The following KCNIP4 variants were observed in gnomAD, a reference collection of about 807,000 sequenced individuals.
KCNIP4 encodes Kv channel-interacting protein 4.
Under a neutral mutation model 34.0 loss-of-function variants are expected in KCNIP4, and 12 were observed. The observed-to-expected ratio is 0.35, with a 90% CI of 0.23 to 0.57. The LOEUF (loss-of-function observed/expected upper bound fraction) is 0.57, where lower values mean the gene tolerates loss of function less well. Among genes scored for constraint, KCNIP4 ranks in the 20% least tolerant of loss-of-function variants. The pLI is 0.83. For missense variants in KCNIP4, 238 were observed against 311.7 expected (o/e 0.76, Z 1.78); for synonymous variants, 124 against 102.2 (o/e 1.21, Z -1.29).
At chr4:21,414,587 T>A (rs28562307) in intron 1 of KCNIP4, among the ~76,000 whole-genome samples, 56,489 of 152,000 alleles carry the variant, frequency 0.37, 11,531 homozygotes, top group Non-Finnish European at 0.48. Context: ...TCTGGGTATT[T>A]ATCCAAAATA....
chr4:21,240,385 A>G (rs1457300639), intron 1 of KCNIP4, among the ~76,000 whole-genome samples: 2 of 152,040 alleles, frequency 1.3e-5, no homozygotes. Context: ...TAATAATAAA[A>G]TGAAAAAATT....
intron 3 of KCNIP4, among the ~76,000 whole-genome samples, chr4:20,839,607 C>G (rs1389852320): frequency 6.6e-6 from 1 of 151,508 alleles, no homozygotes; most frequent in Non-Finnish European, 1.5e-5. Context: ...GAAAGAACTT[C>G]TAGATTATAC....
intron 1 of KCNIP4, among the ~76,000 whole-genome samples, chr4:21,375,024 G>A (rs1260345744): frequency 2.7e-5 from 4 of 147,622 alleles, no homozygotes; most frequent in African/African-American, 5.4e-5. Flanking sequence ...TAGAGAATTC[G>A]GAGGTAATAG....
At chr4:21,191,377 TA>T (rs1252092921) in intron 1 of KCNIP4, among the ~76,000 whole-genome samples, 5 of 152,202 alleles carry the variant, frequency 3.3e-5, no homozygotes, top group Admixed American at 3.3e-4. Context: ...AAAGTATTCA[TA>T]AATGATCAAT....
chr4:21,688,367 A>G (rs1750973988), intron 1 of KCNIP4, among the ~76,000 whole-genome samples: 1 of 152,172 alleles, frequency 6.6e-6, no homozygotes, highest in African/African-American at 2.4e-5. Flanking sequence ...AATCCAGAAG[A>G]GTCCAAAAAC....
intron 1 of KCNIP4, among the ~76,000 whole-genome samples, chr4:21,861,468 A>G (rs1324180965): frequency 1.3e-5 from 2 of 152,120 alleles, no homozygotes; most frequent in African/African-American, 4.8e-5. Context: ...CCTGGCCAAC[A>G]TGGTGAAACC....
intron 3 of KCNIP4, among the ~76,000 whole-genome samples, chr4:20,785,821 CTTG>C (rs2149397947): frequency 6.6e-6 from 1 of 151,838 alleles, no homozygotes; most frequent in South Asian, 2.1e-4. Flanking sequence ...CTCCTAAGAC[CTTG>C]GTGGAAGGAT....
chr4:21,330,155 G>A (rs1200124790), intron 1 of KCNIP4, among the ~76,000 whole-genome samples: 2 of 152,106 alleles, frequency 1.3e-5, no homozygotes, highest in Non-Finnish European at 2.9e-5. Flanking sequence ...GTGTTCAAAA[G>A]CAAGTCTACT....
intron 1 of KCNIP4, among the ~76,000 whole-genome samples, chr4:20,980,849 G>A (rs1300476730): frequency 6.6e-6 from 1 of 151,726 alleles, no homozygotes; most frequent in African/African-American, 2.4e-5. Flanking sequence ...GACTATTGTG[G>A]GTCATATTTT....
At chr4:21,063,438 G>A (rs1280230124) in intron 1 of KCNIP4, among the ~76,000 whole-genome samples, 2 of 152,056 alleles carry the variant, frequency 1.3e-5, no homozygotes, top group Admixed American at 6.6e-5. Flanking sequence ...CTTTTTATCA[G>A]CAATTCACTG....
intron 1 of KCNIP4, among the ~76,000 whole-genome samples, chr4:20,950,865 A>G (rs1198109974): frequency 6.6e-6 from 1 of 152,078 alleles, no homozygotes; most frequent in African/African-American, 2.4e-5. Flanking sequence ...GTTTTTGCTT[A>G]CCTTTTTTTC....
intron 1 of KCNIP4, among the ~76,000 whole-genome samples, chr4:21,198,529 A>G (rs1756227403): frequency 1.3e-5 from 2 of 152,208 alleles, no homozygotes; most frequent in Non-Finnish European, 1.5e-5. Flanking sequence ...TTTATGAGAC[A>G]GGCACTGTAT....
chr4:21,676,985 GAAAA>G (rs35394005), intron 1 of KCNIP4, among the ~76,000 whole-genome samples: 9 of 141,552 alleles, frequency 6.4e-5, no homozygotes, highest in African/African-American at 1.8e-4. Flanking sequence ...ATATGTTCCA[GAAAA>G]AAAAAAAAAA....
intron 1 of KCNIP4, among the ~76,000 whole-genome samples, chr4:21,868,829 G>A (rs747542880): frequency 2.6e-5 from 4 of 152,036 alleles, no homozygotes; most frequent in Non-Finnish European, 4.4e-5. Flanking sequence ...AGAACATAAT[G>A]CCATAAAGAA....
intron 1 of KCNIP4, among the ~76,000 whole-genome samples, chr4:21,184,339 G>A (rs149208246): frequency 1.1e-4 from 17 of 152,158 alleles, no homozygotes; most frequent in African/African-American, 3.9e-4. Context: ...AAGAATCTTA[G>A]CCCTCTAGTT....
chr4:20,942,591 G>A (rs1425744201), intron 1 of KCNIP4, among the ~76,000 whole-genome samples: 1 of 152,200 alleles, frequency 6.6e-6, no homozygotes, highest in Non-Finnish European at 1.5e-5. Context: ...CTGACACTGA[G>A]GGAGGGTTAA....
chr4:20,950,700 G>T (rs73242595), intron 1 of KCNIP4, among the ~76,000 whole-genome samples: 6,619 of 152,006 alleles, frequency 0.044, 171 homozygotes, highest in Middle Eastern at 0.1. Context: ...AAGCCAATGA[G>T]ATTATAGCCT....
intron 3 of KCNIP4, among the ~76,000 whole-genome samples, chr4:20,782,944 C>A (rs1756996717): frequency 6.6e-6 from 1 of 152,288 alleles, no homozygotes; most frequent in African/African-American, 2.4e-5. Context: ...ACCCAAGTCA[C>A]CTCTTGAATG....
chr4:20,944,631 G>A (rs1264168537), intron 1 of KCNIP4, among the ~76,000 whole-genome samples: 1 of 152,196 alleles, frequency 6.6e-6, no homozygotes, highest in Non-Finnish European at 1.5e-5. Context: ...GACAAAGAAG[G>A]TTTGCGGGTT....
Sources: gnomAD v4.1 joint callset for allele counts (sites outside exome capture counted in the v4.1 genomes callset) on GRCh38, gnomAD v4.1.1 for gene constraint, MANE v1.5 for transcripts, NCBI Gene and HGNC (gene_info 2026-07-23, HGNC 2026-07-21) for gene names.